Variants in IL16 observed in about 807,000 individuals in gnomAD.
IL16 encodes the protein interleukin 16.
In IL16, 67 loss-of-function variants were observed where a neutral mutation model predicts 110.1. The ratio of observed to expected loss-of-function variants is 0.61; its 90% CI spans 0.50 to 0.75. The LOEUF is 0.75. IL16 is among the 30% of genes least tolerant of loss of function. The probability of loss-of-function intolerance (pLI) is 0.00; values close to 1 mark genes in which losing one functional copy is unlikely to be tolerated. For synonymous variants in IL16, 689 were observed against 662.9 expected, an observed-to-expected ratio of 1.04 and a Z score of -0.61; for missense variants, 1,545 against 1,655.0, an observed-to-expected ratio of 0.93 and a Z score of 1.15.
At chr15:81,203,558 G>GC (rs1161240406) in intron 1 of IL16, among the ~76,000 whole-genome samples, 8 of 151,802 alleles carry the variant, frequency 5.3e-5, no homozygotes, top group Non-Finnish European at 7.4e-5. Context: ...AGTTTTCCCA[G>GC]CACCATTTAT....
chr15:81,284,100 T>C (rs1899328743), intron 9 of IL16, among the ~76,000 whole-genome samples: 1 of 152,112 alleles, frequency 6.6e-6, no homozygotes. Flanking sequence ...ACTCCAGATA[T>C]ATTTTTTATA....
At chr15:81,271,136 T>C (rs1187529761) in intron 5 of IL16, among the ~76,000 whole-genome samples, 1 of 152,124 alleles carries the variant, frequency 6.6e-6, no homozygotes, top group Non-Finnish European at 1.5e-5. Flanking sequence ...CTCCCTTTTA[T>C]AGACGTGCAG....
chr15:81,231,825 G>A (rs1174848924), intron 2 of IL16, among the ~76,000 whole-genome samples: 1 of 152,098 alleles, frequency 6.6e-6, no homozygotes, highest in Non-Finnish European at 1.5e-5. Flanking sequence ...ATCCAATGTA[G>A]TCAACACCAT....
At chr15:81,227,697 TAAAAGGAGCAC>T (rs1276515824) in intron 2 of IL16, among the ~76,000 whole-genome samples, 4 of 152,100 alleles carry the variant, frequency 2.6e-5, no homozygotes, top group Non-Finnish European at 1.5e-5. Context: ...ATTGGTGCTT[TAAAAGGAGCAC>T]TCTGACTGCT....
At chr15:81,272,335 C>T (rs773630147) in intron 5 of IL16, among the ~76,000 whole-genome samples, 3 of 152,196 alleles carry the variant, frequency 2.0e-5, no homozygotes, top group East Asian at 3.9e-4. Flanking sequence ...CTGTGCCCAC[C>T]CTCCCTTCTC....
intron 6 of IL16, among the ~76,000 whole-genome samples, chr15:81,274,400 G>A (rs570560590): frequency 7.9e-5 from 12 of 152,296 alleles, no homozygotes; most frequent in East Asian, 5.8e-4. Context: ...GCTCATCCAC[G>A]TACCTGTCAT....
intron 2 of IL16, among the ~76,000 whole-genome samples, chr15:81,242,062 T>C (rs965095355): frequency 6.6e-6 from 1 of 152,030 alleles, no homozygotes; most frequent in African/African-American, 2.4e-5. Flanking sequence ...ATCAGTTTGG[T>C]ATATGCTTCA....
intron 2 of IL16, among the ~76,000 whole-genome samples, chr15:81,226,320 T>A (rs1383267392): frequency 1.3e-5 from 2 of 152,218 alleles, no homozygotes; most frequent in Non-Finnish European, 2.9e-5. Flanking sequence ...TTCTGTTATA[T>A]CATATTTCAA....
rs1163873311 is a variant in IL16, at chr15:81,279,750, A to G, written c.1057A>G (p.Met353Val). The stretch of plus-strand genomic sequence containing the variant: ...CACCGCCAAGCCCAATTACAGAATC[A>G]TGGTGGAGGTTTCTCTGCAGAAAGG... The part of the protein sequence containing the change: ...ISTAKPNYRI[M>V]VEVSLQKEAG... The change falls in exon 8 of 19, where the codon ATG becomes GTG. Residue 353 changes from methionine (M) to valine (V), a missense_variant. By Grantham distance (21) the Met-to-Val change is conservative. Coordinates refer to ENST00000683961, the MANE Select transcript of IL16 (RefSeq NM_172217.5). 1.2e-6 allele frequency: 2 copies of G among 1,614,010 alleles called. No homozygotes were observed. Among genetic ancestry groups the G allele is most frequent in the South Asian group, 1.1e-5 (1 of 91,086 alleles).
chr15:81,206,071 G>T (rs1896005696), intron 1 of IL16, among the ~76,000 whole-genome samples: 1 of 152,168 alleles, frequency 6.6e-6, no homozygotes, highest in Non-Finnish European at 1.5e-5. Flanking sequence ...CCACTGTTAA[G>T]ATTTTTTCAG....
At chr15:81,282,249 C>T (rs138034577) in intron 8 of IL16, among the ~76,000 whole-genome samples, 1 of 152,320 alleles carries the variant, frequency 6.6e-6, no homozygotes, top group Non-Finnish European at 1.5e-5. Context: ...TCACCCCTAA[C>T]TCTTGTCACT....
intron 1 of IL16, among the ~76,000 whole-genome samples, chr15:81,186,873 G>A (rs1319484871): frequency 6.6e-6 from 1 of 151,742 alleles, no homozygotes; most frequent in African/African-American, 2.4e-5. Flanking sequence ...GCCCAGGGGA[G>A]CCTCGAACTC....
Position 81,300,009 on chromosome 15 carries a change from C to T in IL16, c.2683C>T (p.Leu895Phe), listed in dbSNP as rs1474245044. The change falls in exon 14 of 19, where the codon CTT becomes TTT. Residue 895 changes from leucine (L) to phenylalanine (F), a missense_variant. By Grantham distance (22) the Leu-to-Phe change is conservative (BLOSUM62 0). This residue lies in a region of IL16 where 1,185 missense variants were observed against 1,238.8 expected (regional missense o/e 0.96). Transcript: ENST00000683961. ...CTTGGGGCGAGGGGCTGCACCCACT[C>T]TTGTGCCCCAGCAGCCTGAGCAAGT... Reference protein sequence around the residue: ...GLLGRGAAPTLVPQQPEQVLS... With the variant: ...GLLGRGAAPTFVPQQPEQVLS... 1.3e-6 allele frequency: 2 copies of T among 1,583,128 alleles called. No homozygotes were observed. The highest frequency in any genetic ancestry group is 1.2e-5 in the South Asian group (1 of 86,694).
chr15:81,267,491 C>CACACACACACACACAT (rs1555420234), intron 4 of IL16, among the ~76,000 whole-genome samples: 358 of 149,700 alleles, frequency 2.4e-3, no homozygotes, highest in African/African-American at 8.5e-3. Flanking sequence ...CACACACACA[C>CACACACACACACACAT]ACACACACAC....
intron 1 of IL16, among the ~76,000 whole-genome samples, chr15:81,199,224 G>A (rs1173525414): frequency 2.0e-5 from 3 of 152,258 alleles, no homozygotes; most frequent in African/African-American, 7.2e-5. Flanking sequence ...AGAACTTGGA[G>A]TTGTGGTTAA....
intron 2 of IL16, among the ~76,000 whole-genome samples, chr15:81,240,124 T>G (rs184250469): frequency 6.6e-6 from 1 of 152,316 alleles, no homozygotes; most frequent in Admixed American, 6.5e-5. Flanking sequence ...TAAATTTGTT[T>G]ATGTTATTCA....
intron 1 of IL16, among the ~76,000 whole-genome samples, chr15:81,208,256 T>C (rs1454872262): frequency 6.6e-6 from 1 of 152,214 alleles, no homozygotes; most frequent in Non-Finnish European, 1.5e-5. Context: ...TTAAGTTCCT[T>C]ATAGTTTCTG....
chr15:81,193,070 G>A (rs568842871), upstream of IL16, among the ~76,000 whole-genome samples: 1 of 152,328 alleles, frequency 6.6e-6, no homozygotes, highest in South Asian at 2.1e-4. Context: ...CCAGTCCACA[G>A]AGAAGTGCCT....
intron 14 of IL16, among the ~76,000 whole-genome samples, 173 bp downstream of exon 14, chr15:81,300,648 T>A (rs1054691852): frequency 2.6e-5 from 4 of 151,742 alleles, no homozygotes; most frequent in Admixed American, 1.3e-4. Flanking sequence ...TGTGTGTGTC[T>A]GTCTGTAGGT....
Sources: allele counts gnomAD v4.1 joint callset (sites outside exome capture counted in the v4.1 genomes callset), GRCh38; gene constraint gnomAD v4.1.1; regional missense constraint gnomAD v4.1.1; transcripts MANE v1.5; gene names NCBI Gene and HGNC (gene_info 2026-07-23, HGNC 2026-07-21).